PTGER2: variants seen among roughly 807,000 people sequenced by gnomAD.
PTGER2 encodes the protein prostaglandin E receptor 2.
PTGER2 carries 22 observed loss-of-function variants against 26.2 expected under a neutral mutation model. The ratio of observed to expected loss-of-function variants is 0.84; its 90% confidence interval spans 0.60 to 1.20. The LOEUF is 1.20. PTGER2 is among the 50% of genes most tolerant of loss of function. PTGER2 has a pLI of 0.00. For synonymous variants in PTGER2, 219 were observed against 208.9 expected (o/e 1.05, Z -0.42); for missense variants, 458 against 475.2 (o/e 0.96, Z 0.34).
In PTGER2 at chr14:52,315,030, A is replaced by T. The variant is rs748589971; in HGVS notation, c.482A>T (p.Tyr161Phe). Residue 161 changes from tyrosine to phenylalanine, a missense_variant, in exon 1 of 2, where the codon TAT becomes TTT. Transcript: ENST00000245457. ...SGGLAVLPVI[Y>F]AVSLLFCSLP... ...GGCCTGGCCGTGCTGCCTGTCATCTATGCAGTCTCCCTGCTCTTCTGCTCG... is the reference window on the plus strand; with the variant it reads ...GGCCTGGCCGTGCTGCCTGTCATCTTTGCAGTCTCCCTGCTCTTCTGCTCG... 37 of 1,613,126 alleles carry T rather than the reference A, an allele frequency of 2.3e-5. No homozygotes were observed. The South Asian group carries it at 3.8e-4, about 17-fold the overall frequency.
chr14:52,324,230 C>T (rs1355270963), intron 1 of PTGER2, among the ~76,000 whole-genome samples: 3 of 152,156 alleles, frequency 2.0e-5, no homozygotes, highest in Non-Finnish European at 2.9e-5. Context: ...GAAAAAGCAT[C>T]GGTTTCAGTC....
In PTGER2 at chr14:52,315,001, CG is replaced by C. The variant is rs758578670; in HGVS notation, c.458del (p.Gly153AlafsTer117). The C allele has an allele frequency of 6.2e-7, 1 of 1,613,418 alleles. No homozygotes were observed. The highest frequency in any genetic ancestry group is 2.2e-5 in the East Asian group (1 of 44,870). On this transcript the variant is annotated frameshift_variant, in exon 1 of 2. Transcript: ENST00000245457. LOFTEE classifies it high-confidence loss of function. ...YFYQRRVSRS[G>X]GLAVLPVIYA... ...TCTACCAGCGCCGCGTCTCGCGCTC[CG>C]GGGGCCTGGCCGTGCTGCCTGTCAT...
chr14:52,315,215 A>C lies in PTGER2; in HGVS notation c.667A>C (p.Ile223Leu), dbSNP rs368578200. The C allele has an allele frequency of 2.4e-5, 39 of 1,608,434 alleles. No homozygotes were observed. In the African/African-American group the frequency reaches 4.7e-4, roughly 20 times the overall value. Reference protein sequence around the residue: ...ACNFSVILNLIRMHRRSRRSR... With the variant: ...ACNFSVILNLLRMHRRSRRSR... The stretch of plus-strand genomic sequence containing the variant: ...CAACTTCAGTGTCATTCTCAACCTC[A>C]TCCGCATGCACCGCCGAAGCCGGAG... The change falls in exon 1 of 2, where the codon ATC (isoleucine) becomes CTC (leucine). Residue 223 changes from isoleucine to leucine, a missense_variant. Transcript: ENST00000245457.
Position 52,314,977 on chromosome 14 carries a change from C to T in PTGER2, c.429C>T (p.Phe143=), listed in dbSNP as rs1004678385. The T allele has an allele frequency of 1.9e-6, 3 of 1,613,288 alleles. No homozygotes were observed. In the African/African-American group the frequency reaches 4.0e-5, roughly 22 times the overall value. ...ERYLSIGHPY[F]YQRRVSRSGG... is the part of the protein sequence containing the mutation. ...ACCTCTCGATCGGGCACCCCTACTT[C>T]TACCAGCGCCGCGTCTCGCGCTCCG... The change falls in exon 1 of 2, where the codon TTC becomes TTT. Residue 143 remains phenylalanine (F), a synonymous_variant. Coordinates refer to ENST00000245457, the MANE Select transcript of PTGER2 (RefSeq NM_000956.4). The surrounding 1 kb of genome is among the most constrained non-coding windows in gnomAD (Gnocchi z 5.7).
In PTGER2 at chr14:52,321,729, C is replaced by T. The variant is rs185516620; in HGVS notation, c.844-5492C>T. On this transcript the variant is annotated intron_variant, in intron 1 of 1. Coordinates refer to ENST00000245457, the MANE Select transcript of PTGER2 (RefSeq NM_000956.4). The stretch of plus-strand genomic sequence containing the variant: ...TTCTAACATAGGAATAATAATACTT[C>T]GTAGGTTTATGTAAATATTAAACAA... Among the ~76,000 whole-genome samples the T allele has an allele frequency of 1.4e-4, 21 of 152,264 alleles. No individual in the cohort carries two copies. The East Asian group carries it at 3.1e-3, about 22-fold the overall frequency.
Position 52,315,190 on chromosome 14 carries a change from C to A in PTGER2, c.642C>A (p.Cys214Ter). 1 of 1,605,922 alleles carries A rather than the reference C, an allele frequency of 6.2e-7. No individual in the cohort carries two copies. The highest frequency in any genetic ancestry group is 8.5e-7 in the Non-Finnish European group (1 of 1,178,792). The change falls in exon 1 of 2, where the codon TGC becomes TGA. Residue 214 changes from cysteine to a stop codon, truncating the protein, a stop_gained. Coordinates refer to ENST00000245457, the MANE Select transcript of PTGER2 (RefSeq NM_000956.4). LOFTEE classifies it high-confidence loss of function. The stretch of plus-strand genomic sequence containing the variant: ...TTCTCATTGTCTCGGTGCTCGCCTG[C>A]AACTTCAGTGTCATTCTCAACCTCA... ...LLLLIVSVLA[C>*]NFSVILNLIR...
intron 1 of PTGER2, among the ~76,000 whole-genome samples, chr14:52,323,543 C>A (rs537936315): frequency 6.6e-6 from 1 of 152,116 alleles, no homozygotes; most frequent in African/African-American, 2.4e-5. Context: ...CGTGAGCCAC[C>A]GCACCCAACC....
chr14:52,321,498 C>A (rs578222698), intron 1 of PTGER2, among the ~76,000 whole-genome samples: 8 of 152,248 alleles, frequency 5.3e-5, no homozygotes, highest in African/African-American at 1.9e-4. Flanking sequence ...GAAGAGAAAT[C>A]TCCTCCAAAC....
rs1484077498 is a variant in PTGER2 at position 52,328,308 on chromosome 14, A to T, written c.*854A>T. Reference sequence around the variant, plus strand: ...CTGAAAAATCTGGTTCATTCTTCAGATATACTGGAACCCTTTTAAAGTTGA... The same window carrying T: ...CTGAAAAATCTGGTTCATTCTTCAGTTATACTGGAACCCTTTTAAAGTTGA... On this transcript the variant is annotated 3_prime_UTR_variant, in exon 2 of 2. Transcript: ENST00000245457. The T allele has an allele frequency of 6.5e-6, 1 of 152,674 alleles. No homozygotes were observed. Among genetic ancestry groups the T allele is most frequent in the East Asian group, 1.9e-4 (1 of 5,198 alleles). The allele number at this position is 152,674 out of a possible 1,614,324, so 9.5% of individuals were successfully genotyped here.
Position 52,315,250 on chromosome 14 carries a change from C to A in PTGER2, c.702C>A (p.Cys234Ter). The A allele has an allele frequency of 1.9e-6, 3 of 1,612,920 alleles. No individual in the cohort carries two copies. The highest frequency in any genetic ancestry group is 2.2e-5 in the South Asian group (2 of 91,002). Residue 234 changes from cysteine to a stop codon, truncating the protein, a stop_gained, in exon 1 of 2, where the codon TGC (cysteine) becomes TGA (stop). Transcript: ENST00000245457. LOFTEE classifies it high-confidence loss of function. ...RMHRRSRRSR[C>*]GPSLGSGRGG... ...ACCGCCGAAGCCGGAGAAGCCGCTG[C>A]GGACCTTCCCTGGGCAGTGGCCGGG... is the stretch of plus-strand genomic sequence containing the variant.
At chr14:52,324,514 T>C (rs1343439535) in intron 1 of PTGER2, among the ~76,000 whole-genome samples, 1 of 152,248 alleles carries the variant, frequency 6.6e-6, no homozygotes, top group Non-Finnish European at 1.5e-5. Flanking sequence ...CTTTGCTATC[T>C]CTACAAATTA....
rs772107022 is a variant in PTGER2, at chr14:52,314,780, G to A, written c.232G>A (p.Asp78Asn). The A allele has an allele frequency of 6.2e-6, 10 of 1,610,196 alleles. No homozygotes were observed. In the South Asian group the frequency reaches 9.9e-5, roughly 16 times the overall value. Residue 78 changes from aspartate to asparagine, a missense_variant, in exon 1 of 2, where the codon GAC becomes AAC. By Grantham distance (23) the Asp-to-Asn change is conservative (BLOSUM62 1). Coordinates refer to ENST00000245457, the MANE Select transcript of PTGER2 (RefSeq NM_000956.4). The surrounding 1 kb of genome is among the most constrained non-coding windows in gnomAD (Gnocchi z 5.7). ...HVLVTELVFT[D>N]LLGTCLISPV... ...GCTGGTGACCGAGCTGGTGTTCACC[G>A]ACCTGCTCGGGACCTGCCTCATCAG...
intron 1 of PTGER2, among the ~76,000 whole-genome samples, chr14:52,319,294 A>G (rs543493765): frequency 3.2e-4 from 49 of 152,332 alleles, no homozygotes; most frequent in African/African-American, 1.1e-3. Context: ...CCACAGACCT[A>G]TGAAATAAAA....
rs1198059874 is a variant in PTGER2, at chr14:52,314,447, C to T, written c.-102C>T. 2 of 1,271,356 alleles carry T rather than the reference C, an allele frequency of 1.6e-6. No homozygotes were observed. The highest frequency in any genetic ancestry group is 2.8e-5 in the East Asian group (1 of 35,452). The allele number at this position is 1,271,356 out of a possible 1,614,324, so 78.8% of individuals were successfully genotyped here. On this transcript the variant is annotated 5_prime_UTR_variant, in exon 1 of 2. Transcript: ENST00000245457. This position sits in a 1 kb window ranked among gnomAD's most constrained non-coding sequence, Gnocchi z 5.7. ...AGGGGGCTCTGGATTTCGGTCCCTC[C>T]CCTTTTTCCTCTGAGTCTCGGAACG...
chr14:52,327,045 G>A (rs928403615), intron 1 of PTGER2, among the ~76,000 whole-genome samples, 176 bp from the exon 2 acceptor site: 1 of 152,088 alleles, frequency 6.6e-6, no homozygotes, highest in Non-Finnish European at 1.5e-5. Flanking sequence ...CATTCATTAT[G>A]TTACAGTTTA....
At chr14:52,316,424 G>A (rs1318687294) in intron 1 of PTGER2, among the ~76,000 whole-genome samples, 1 of 152,168 alleles carries the variant, frequency 6.6e-6, no homozygotes, top group Non-Finnish European at 1.5e-5. Context: ...GGCCTCTTAC[G>A]GGGGCTAGGA....
Position 52,327,897 on chromosome 14 carries a change from G to A in PTGER2, c.*443G>A, listed in dbSNP as rs1161006565. On this transcript the variant is annotated 3_prime_UTR_variant, in exon 2 of 2. Coordinates refer to ENST00000245457, the MANE Select transcript of PTGER2 (RefSeq NM_000956.4). ...ATCTCTAGGAAGTCAATATGTGGAA[G>A]CAACCAAGCCTGCTGTCTTGTGATC... The A allele has an allele frequency of 6.4e-6, 1 of 156,604 alleles. No individual in the cohort carries two copies. The highest frequency in any genetic ancestry group is 1.4e-5 in the Non-Finnish European group (1 of 70,678). The allele number at this position is 156,604 out of a possible 1,614,324, so 9.7% of individuals were successfully genotyped here.
Position 52,327,345 on chromosome 14 carries a change from T to A in PTGER2, c.968T>A (p.Leu323Gln), listed in dbSNP as rs1256959368. The part of the protein sequence containing the change: ...WVFAILRPPV[L>Q]RLMRSVLCCR... ...TTTGCCATCCTTAGGCCTCCTGTTC[T>A]GAGACTAATGCGTTCAGTCCTCTGT... The change falls in exon 2 of 2, where the codon CTG becomes CAG. Residue 323 changes from leucine to glutamine, a missense_variant. Coordinates refer to ENST00000245457, the MANE Select transcript of PTGER2 (RefSeq NM_000956.4). 1 of 1,613,152 alleles carries A rather than the reference T, an allele frequency of 6.2e-7. No homozygotes were observed. Among genetic ancestry groups the A allele is most frequent in the Non-Finnish European group, 8.5e-7 (1 of 1,179,226 alleles).
chr14:52,320,859 T>C (rs2033887244), intron 1 of PTGER2, among the ~76,000 whole-genome samples: 1 of 152,200 alleles, frequency 6.6e-6, no homozygotes, highest in African/African-American at 2.4e-5. Context: ...TTAGAAAGGC[T>C]GAAAGTTCCT....
Sources: allele counts gnomAD v4.1 joint callset (sites outside exome capture counted in the v4.1 genomes callset), GRCh38; gene constraint gnomAD v4.1.1; non-coding constraint Gnocchi (gnomAD v3.1); transcripts MANE v1.5; gene names NCBI Gene and HGNC (gene_info 2026-07-23, HGNC 2026-07-21).